Variants in FCHSD2 observed in about 807,000 individuals in gnomAD.
FCHSD2 encodes FCH and double SH3 domains 2.
In FCHSD2, 38 loss-of-function variants were observed where a neutral mutation model predicts 108.1. The observed-to-expected ratio is 0.35, with a 90% CI of 0.27 to 0.46. The LOEUF is 0.46. Among genes scored for constraint, FCHSD2 ranks in the 20% least tolerant of loss-of-function variants. The pLI is 1.00. For missense variants in FCHSD2, 751 were observed against 897.8 expected (o/e 0.84, Z 2.09); for synonymous variants, 279 against 314.7 (o/e 0.89, Z 1.20).
chr11:72,905,860 C>T (rs533708487), intron 9 of FCHSD2, among the ~76,000 whole-genome samples: 2 of 152,252 alleles, frequency 1.3e-5, no homozygotes, highest in South Asian at 4.1e-4. Context: ...TGGGTTGGCT[C>T]CAAGTCTTTG....
At chr11:72,953,165 A>G (rs1856648559) in intron 8 of FCHSD2, among the ~76,000 whole-genome samples, 1 of 152,214 alleles carries the variant, frequency 6.6e-6, no homozygotes, top group South Asian at 2.1e-4. Context: ...CAGAAAGAAA[A>G]GGTATAGTTA....
intron 3 of FCHSD2, among the ~76,000 whole-genome samples, chr11:73,048,804 G>C (rs78601302): frequency 0.01 from 1,572 of 152,248 alleles, 35 homozygotes; most frequent in African/African-American, 0.036. Context: ...GAGAAAGGGT[G>C]GGGAATGAAT....
chr11:72,859,088 A>T (rs1227711061), intron 13 of FCHSD2, among the ~76,000 whole-genome samples: 3 of 152,200 alleles, frequency 2.0e-5, no homozygotes, highest in Non-Finnish European at 4.4e-5. Context: ...GTAAAGCCAA[A>T]GTGGAGAGAG....
chr11:72,990,886 C>G (rs1197502627), intron 5 of FCHSD2, among the ~76,000 whole-genome samples: 1 of 151,848 alleles, frequency 6.6e-6, no homozygotes, highest in Non-Finnish European at 1.5e-5. Context: ...AATAGAGACA[C>G]AAAAAAACCC....
rs35280672 is a variant in FCHSD2 at position 72,964,789 on chromosome 11, CT to C, written c.705+19298del. Reference sequence around the variant, plus strand: ...CAAACATGTAAATTTGATCATTTCACTTTTTTTTTTTTTTTTTTGAGATGGA... The same window carrying C: ...CAAACATGTAAATTTGATCATTTCACTTTTTTTTTTTTTTTTTGAGATGGA... On this transcript the variant is annotated intron_variant, in intron 8 of 19. Coordinates refer to ENST00000409418, the MANE Select transcript of FCHSD2 (RefSeq NM_014824.3). 6.5e-3 allele frequency among the ~76,000 whole-genome samples: 860 copies of C among 132,186 alleles called. 3 individuals are homozygous for C. Among genetic ancestry groups the C allele is most frequent in the African/African-American group, 0.02 (717 of 35,432 alleles). 86.7% of individuals were successfully genotyped at this position (132,186 alleles called of 152,430 possible).
intron 8 of FCHSD2, among the ~76,000 whole-genome samples, chr11:72,959,101 C>A (rs1362886706): frequency 6.6e-6 from 1 of 151,634 alleles, no homozygotes; most frequent in Admixed American, 6.6e-5. Flanking sequence ...AGACAAGCCA[C>A]TTGAGATTCA....
chr11:73,062,850 T>C (rs1027859321), intron 3 of FCHSD2, among the ~76,000 whole-genome samples: 4 of 152,334 alleles, frequency 2.6e-5, no homozygotes, highest in East Asian at 1.9e-4. Flanking sequence ...TGGAACCCAG[T>C]TGGAAAACAC....
At chr11:72,957,294 T>C (rs1048101195) in intron 8 of FCHSD2, among the ~76,000 whole-genome samples, 14 of 150,054 alleles carry the variant, frequency 9.3e-5, no homozygotes, top group Non-Finnish European at 1.6e-4. Flanking sequence ...TTTGGTTTTT[T>C]GTTCTTGCGA....
intron 12 of FCHSD2, 85 bp from the exon 13 acceptor site, chr11:72,868,111 A>G (rs1388041986): frequency 3.2e-6 from 4 of 1,260,232 alleles, no homozygotes; most frequent in African/African-American, 3.0e-5. Context: ...ATGCCCATCA[A>G]TGATCGACTG....
At chr11:72,962,692 G>A (rs1325547248) in intron 8 of FCHSD2, among the ~76,000 whole-genome samples, 2 of 150,526 alleles carry the variant, frequency 1.3e-5, no homozygotes, top group Admixed American at 6.6e-5. Flanking sequence ...TGGAAAAGAT[G>A]GTTAAACAAA....
intron 13 of FCHSD2, among the ~76,000 whole-genome samples, chr11:72,853,786 C>G (rs1436782246): frequency 6.6e-6 from 1 of 152,052 alleles, no homozygotes; most frequent in African/African-American, 2.4e-5. Flanking sequence ...GAAAAGACAA[C>G]CCACAGAATG....
intron 13 of FCHSD2, among the ~76,000 whole-genome samples, chr11:72,852,851 G>A (rs995640420): frequency 6.6e-6 from 1 of 152,104 alleles, no homozygotes; most frequent in African/African-American, 2.4e-5. Context: ...AACATGGATG[G>A]AACTGGAGCC....
At chr11:72,971,792 T>C (rs1398152276) in intron 8 of FCHSD2, among the ~76,000 whole-genome samples, 3 of 152,214 alleles carry the variant, frequency 2.0e-5, no homozygotes, top group Non-Finnish European at 2.9e-5. Flanking sequence ...CTAAGCCTAC[T>C]TGGACTTCTG....
intron 2 of FCHSD2, among the ~76,000 whole-genome samples, chr11:73,123,828 T>C (rs1860790762): frequency 6.6e-6 from 1 of 152,196 alleles, no homozygotes; most frequent in Non-Finnish European, 1.5e-5. Context: ...AAGGGAATCT[T>C]TAAACTTCTT....
chr11:73,068,947 C>T (rs1001808807), intron 3 of FCHSD2, among the ~76,000 whole-genome samples: 1 of 146,586 alleles, frequency 6.8e-6, no homozygotes, highest in South Asian at 2.2e-4. Context: ...TAAAGAAGGT[C>T]GAGGCTGCAG....
chr11:72,877,510 C>T (rs1471020840), intron 12 of FCHSD2, among the ~76,000 whole-genome samples: 1 of 151,932 alleles, frequency 6.6e-6, no homozygotes, highest in Non-Finnish European at 1.5e-5. Context: ...TATTTTTACC[C>T]CAGATTAATA....
chr11:73,109,472 G>A (rs1368842285), intron 2 of FCHSD2, among the ~76,000 whole-genome samples: 1 of 151,972 alleles, frequency 6.6e-6, no homozygotes, highest in Non-Finnish European at 1.5e-5. Context: ...TTTATTTGTA[G>A]CTACTGTAAA....
chr11:72,914,815 T>C (rs746465457), intron 9 of FCHSD2, among the ~76,000 whole-genome samples: 1 of 152,080 alleles, frequency 6.6e-6, no homozygotes, highest in Non-Finnish European at 1.5e-5. Context: ...ATTCAGGACA[T>C]AGGCATGGGC....
At chr11:73,008,473 G>A (rs1857790437) in intron 4 of FCHSD2, among the ~76,000 whole-genome samples, 1 of 152,194 alleles carries the variant, frequency 6.6e-6, no homozygotes, top group Non-Finnish European at 1.5e-5. Flanking sequence ...AATATCCTAA[G>A]CCTGGGTAAC....
Sources: gnomAD v4.1 joint callset for allele counts (sites outside exome capture counted in the v4.1 genomes callset) on GRCh38, gnomAD v4.1.1 for gene constraint, MANE v1.5 for transcripts, NCBI Gene and HGNC (gene_info 2026-07-23, HGNC 2026-07-21) for gene names.